MTCL1: variants seen among roughly 807,000 people sequenced by gnomAD.
MTCL1 encodes microtubule cross-linking factor 1.
A neutral mutation model predicts 141.4 loss-of-function variants in MTCL1; 79 were observed. The ratio of observed to expected loss-of-function variants is 0.56; its 90% CI spans 0.47 to 0.67. The LOEUF is 0.67. MTCL1 is among the 30% of genes least tolerant of loss of function. The probability of loss-of-function intolerance (pLI) is 0.00; values close to 1 mark genes in which losing one functional copy is unlikely to be tolerated. For synonymous variants in MTCL1, 914 were observed against 875.8 expected, an observed-to-expected ratio of 1.04 and a Z score of -0.77; for missense variants, 2,177 against 2,113.9, an observed-to-expected ratio of 1.03 and a Z score of -0.59.
At chr18:8,707,900 G>A (rs2096066723) in intron 1 of MTCL1, among the ~76,000 whole-genome samples, 2 of 152,190 alleles carry the variant, frequency 1.3e-5, no homozygotes, top group African/African-American at 4.8e-5. Flanking sequence ...AATTTCTTAT[G>A]GAGCTGCTCC....
chr18:8,807,036 C>T (rs368388853), exon 11 of MTCL1: 39 of 1,613,410 alleles, frequency 2.4e-5, no homozygotes, highest in South Asian at 4.4e-5. Context: ...TGGAGTGGGC[C>T]GTGCTCAAGT....
At position 8,721,781 on chromosome 18, in the gene MTCL1, T is replaced by C. The variant is rs185715764; in HGVS notation, c.357+1285T>C. On this transcript the variant is annotated intron_variant, in intron 4 of 16. Transcript: ENST00000359865. ...TGCTGTGTGTTTTCTTTCTCTGTCTTTTATCCGTCCCCTCCTTTACTAGTG... is the reference window on the plus strand; with the variant it reads ...TGCTGTGTGTTTTCTTTCTCTGTCTCTTATCCGTCCCCTCCTTTACTAGTG... Among the ~76,000 whole-genome samples the C allele has an allele frequency of 4.7e-4, 72 of 152,344 alleles. 1 individual carries two copies. The East Asian group carries it at 0.014, about 29-fold the overall frequency.
intron 8 of MTCL1, 29 bp from the exon 8 acceptor site, chr18:8,796,203 G>C (rs769265665): frequency 6.2e-7 from 1 of 1,610,712 alleles, no homozygotes; most frequent in East Asian, 2.2e-5. Context: ...TTAGCTGCTT[G>C]TCACACTGTC....
chr18:8,729,114 G>A lies in MTCL1; in HGVS notation c.357+8618G>A, dbSNP rs558671585. Among the ~76,000 whole-genome samples the A allele has an allele frequency of 3.9e-5, 6 of 152,166 alleles. No individual in the cohort carries two copies. In the South Asian group the frequency reaches 1.2e-3, roughly 32 times the overall value. On this transcript the variant is annotated intron_variant, in intron 4 of 16. Coordinates refer to ENST00000359865, the Ensembl canonical transcript of MTCL1. ...GCTGGAGTCCAGTGGTGTGATCACA[G>A]CTCAAGGCAGCCTGGACCTCCTTGG...
intron 8 of MTCL1, 115 bp from the exon 8 acceptor site, chr18:8,796,117 C>A (rs1355834582): frequency 3.0e-6 from 3 of 988,658 alleles, no homozygotes; most frequent in Non-Finnish European, 3.1e-6. Context: ...CTGTGTTTCA[C>A]GTCTCATATG....
rs150915677 is a variant in MTCL1 at position 8,784,994 on chromosome 18, C to G, written c.1731+151C>G. ...AAAGCCTCCGGGGCAACCGGATCCT[C>G]TCTCTTGGTTGGGCTCCGTTTTTTT... is the stretch of plus-strand genomic sequence containing the variant. On this transcript the variant is annotated intron_variant, in intron 6 of 16. Coordinates refer to ENST00000359865, the Ensembl canonical transcript of MTCL1. 2.2e-3 allele frequency: 1,167 copies of G among 528,296 alleles called. 12 individuals carry two copies. The highest frequency in any genetic ancestry group is 0.021 in the African/African-American group (1,061 of 50,732). The allele number at this position is 528,296 out of a possible 1,614,324, so 32.7% of individuals were successfully genotyped here.
chr18:8,712,548 G>A (rs2096100155), upstream of MTCL1, among the ~76,000 whole-genome samples: 1 of 152,202 alleles, frequency 6.6e-6, no homozygotes, highest in Admixed American at 6.5e-5. Context: ...TCTTTCAGAA[G>A]GGTTAACATG....
chr18:8,810,139 T>G lies in MTCL1; in HGVS notation c.2605-2840T>G, dbSNP rs2076435370. On this transcript the variant is annotated intron_variant, in intron 11 of 16. Coordinates refer to ENST00000359865, the Ensembl canonical transcript of MTCL1. This position sits in a 1 kb window ranked among gnomAD's most constrained non-coding sequence, Gnocchi z 5.0. ...ACAGGACAGATGAAGGATAAAAAGT[T>G]CTGTTGAACTTGGCAGTGAGGAGGG... 1 of 152,714 alleles carries G rather than the reference T, an allele frequency of 6.5e-6. No homozygotes were observed. 9.5% of individuals were successfully genotyped at this position (152,714 alleles called of 1,614,324 possible).
chr18:8,823,929 T>C (rs1419169662), intron 14 of MTCL1, among the ~76,000 whole-genome samples: 1 of 152,170 alleles, frequency 6.6e-6, no homozygotes, highest in Admixed American at 6.5e-5. Flanking sequence ...CTAGTCTAGA[T>C]CCCTAGGTTT....
intron 7 of MTCL1, 28 bp downstream of exon 6, chr18:8,786,119 C>CAA: frequency 7.0e-7 from 1 of 1,428,830 alleles, no homozygotes; most frequent in Middle Eastern, 2.2e-4. Flanking sequence ...ATCCCCCCCC[C>CAA]CCGCCCTCCC....
At chr18:8,794,375 G>A (rs72938109) in intron 8 of MTCL1, among the ~76,000 whole-genome samples, 3,900 of 152,294 alleles carry the variant, frequency 0.026, 141 homozygotes, top group African/African-American at 0.077. Context: ...TACCCAGGGG[G>A]CAGAAGACTG....
intron 7 of MTCL1, chr18:8,787,169 G>C (rs1159508384): frequency 1.3e-5 from 2 of 152,288 alleles, no homozygotes; most frequent in African/African-American, 4.8e-5. Flanking sequence ...GAAACTGGGA[G>C]TGATTTGGGA....
chr18:8,770,317 A>T (rs2096480025), intron 4 of MTCL1, among the ~76,000 whole-genome samples: 1 of 152,222 alleles, frequency 6.6e-6, no homozygotes, highest in Non-Finnish European at 1.5e-5. Context: ...ATATTGTCTT[A>T]GTCAGCTTGG....
At chr18:8,755,686 C>CT (rs1414585174) in intron 4 of MTCL1, among the ~76,000 whole-genome samples, 2 of 152,200 alleles carry the variant, frequency 1.3e-5, no homozygotes, top group African/African-American at 4.8e-5. Flanking sequence ...AAAAGACAGA[C>CT]TATCATCCTC....
chr18:8,731,311 T>C (rs9958435), intron 4 of MTCL1, among the ~76,000 whole-genome samples: 121,030 of 151,994 alleles, frequency 0.8, 48,513 homozygotes, highest in East Asian at 0.96. Context: ...CGATGGTTCA[T>C]GCCTCTAATC....
At chr18:8,747,762 T>C (rs536700429) in intron 4 of MTCL1, among the ~76,000 whole-genome samples, 1 of 152,328 alleles carries the variant, frequency 6.6e-6, no homozygotes, top group East Asian at 1.9e-4. Flanking sequence ...TAAGGAAGTC[T>C]CGCTGGAATC....
At position 8,720,522 on chromosome 18, in the gene MTCL1, C is replaced by T. The variant is rs778461606; in HGVS notation, c.357+26C>T. On this transcript the variant is annotated intron_variant, in intron 4 of 16. Transcript: ENST00000359865. The stretch of plus-strand genomic sequence containing the variant: ...GTAATCCAAAACTGTGGGGGTCCTG[C>T]CCCCTTGGATTTAATAAGGAGGAGC... 3.7e-6 allele frequency: 6 copies of T among 1,606,048 alleles called. No individual in the cohort carries two copies. In the Admixed American group the frequency reaches 5.1e-5, roughly 14 times the overall value.
At chr18:8,714,539 A>G (rs1026952472), upstream of MTCL1, among the ~76,000 whole-genome samples, 6 of 152,190 alleles carry the variant, frequency 3.9e-5, no homozygotes, top group Non-Finnish European at 5.9e-5. Context: ...ATGGTGGAAG[A>G]CAAAGGAGGA....
In MTCL1 at chr18:8,777,860, G is replaced by T; in HGVS notation, c.385G>T (p.Glu129Ter). The T allele has an allele frequency of 6.2e-7, 1 of 1,613,848 alleles. No individual in the cohort carries two copies. The highest frequency in any genetic ancestry group is 8.5e-7 in the Non-Finnish European group (1 of 1,180,020). ...TTCCCTAAAAAGAAGAAGCACTCGGGAAATGTACAAGGAGAAGAAAACCTT... is the reference window on the plus strand; with the variant it reads ...TTCCCTAAAAAGAAGAAGCACTCGGTAAATGTACAAGGAGAAGAAAACCTT... Residue 129 changes from glutamate (E) to a stop codon, truncating the protein, a stop_gained, in exon 5 of 17, where the codon GAA becomes TAA. Transcript: ENST00000359865. LOFTEE classifies it high-confidence loss of function.
Sources: gnomAD v4.1 joint callset for allele counts (sites outside exome capture counted in the v4.1 genomes callset) on GRCh38, gnomAD v4.1.1 for gene constraint, Gnocchi (gnomAD v3.1) non-coding constraint, MANE v1.5 for transcripts, NCBI Gene and HGNC (gene_info 2026-07-23, HGNC 2026-07-21) for gene names.